Variants in SCP2 observed in about 807,000 individuals in gnomAD.
SCP2 encodes the protein SCP-2/3-oxoacyl-CoA thiolase.
Under a neutral mutation model 71.4 loss-of-function variants are expected in SCP2, and 48 were observed. That is an observed-to-expected ratio of 0.67 (90% CI 0.53 to 0.86). The LOEUF is 0.86. Ranked by LOEUF, SCP2 falls within the 40% of genes least tolerant of loss-of-function variation. SCP2 has a pLI of 0.00. For synonymous variants in SCP2, 220 were observed against 218.1 expected (o/e 1.01, Z -0.08); for missense variants, 560 against 655.6 (o/e 0.85, Z 1.59).
chr1:53,020,361 AT>A (rs1661634564), intron 12 of SCP2, among the ~76,000 whole-genome samples: 3 of 152,238 alleles, frequency 2.0e-5, no homozygotes, highest in Admixed American at 2.0e-4. Context: ...TAGTTGCTCA[AT>A]AAACTTTTGG....
At position 52,999,815 on chromosome 1, in the gene SCP2, G is replaced by GTTTTTTTTTTTTTTT. The variant is rs60893788; in HGVS notation, c.1081+11684_1081+11698dup. ...ACTATCCAACACTTACTGAACACTT[G>GTTTTTTTTTTTTTTT]TTTTTTTTTTTTTTTTTTTGAGACA... On this transcript the variant is annotated intron_variant, in intron 11 of 15. Coordinates refer to ENST00000371514, the MANE Select transcript of SCP2 (RefSeq NM_002979.5). Among the ~76,000 whole-genome samples, 17 of 109,382 alleles carry GTTTTTTTTTTTTTTT rather than the reference G, an allele frequency of 1.6e-4. 3 individuals are homozygous for GTTTTTTTTTTTTTTT. In the East Asian group the frequency reaches 2.4e-3, roughly 16 times the overall value. The allele number at this position is 109,382 out of a possible 152,430, so 71.8% of individuals were successfully genotyped here. A position where few individuals can be genotyped will look rare whatever the true frequency, so the allele number is the denominator to read the frequency against.
At chr1:52,982,084 T>C (rs749596398) in intron 10 of SCP2, among the ~76,000 whole-genome samples, 1 of 152,196 alleles carries the variant, frequency 6.6e-6, no homozygotes, top group East Asian at 1.9e-4. Flanking sequence ...GTGGTTGCTA[T>C]AGAGCATGGT....
intron 6 of SCP2, 55 bp downstream of exon 6, chr1:52,961,684 A>G: frequency 2.1e-6 from 3 of 1,456,978 alleles, no homozygotes; most frequent in Non-Finnish European, 2.9e-6. Flanking sequence ...ACATGAGATG[A>G]GAAATGACAG....
intron 5 of SCP2, among the ~76,000 whole-genome samples, chr1:52,960,694 G>C (rs995288569): frequency 6.8e-6 from 1 of 146,178 alleles, no homozygotes; most frequent in Non-Finnish European, 1.5e-5. Flanking sequence ...GTATATATGT[G>C]TGTTGTGTGT....
At chr1:53,018,664 C>T (rs1572193720) in intron 12 of SCP2, among the ~76,000 whole-genome samples, 1 of 151,570 alleles carries the variant, frequency 6.6e-6, no homozygotes, top group East Asian at 1.9e-4. Flanking sequence ...TCGCTTGAGC[C>T]TGGGAGGCAG....
intron 11 of SCP2, among the ~76,000 whole-genome samples, chr1:53,011,632 G>A (rs1660994085): frequency 6.6e-6 from 1 of 152,230 alleles, no homozygotes; most frequent in Admixed American, 6.5e-5. Flanking sequence ...GCTTGGACTT[G>A]CATTTGGCAT....
At chr1:53,019,779 C>T (rs1661588862) in intron 12 of SCP2, among the ~76,000 whole-genome samples, 1 of 152,200 alleles carries the variant, frequency 6.6e-6, no homozygotes, top group Non-Finnish European at 1.5e-5. Flanking sequence ...TTTCCATACT[C>T]ATGTAGCCAC....
chr1:53,020,010 C>T (rs939282839), intron 12 of SCP2, among the ~76,000 whole-genome samples: 2 of 152,142 alleles, frequency 1.3e-5, no homozygotes, highest in Admixed American at 1.3e-4. Flanking sequence ...CCTAAGCCTC[C>T]TGAGTAGCTG....
At chr1:53,007,220 A>G (rs1306896218) in intron 11 of SCP2, among the ~76,000 whole-genome samples, 2 of 152,234 alleles carry the variant, frequency 1.3e-5, no homozygotes, top group East Asian at 1.9e-4. Context: ...TAGATCAACG[A>G]GAGAGAAAGT....
intron 5 of SCP2, among the ~76,000 whole-genome samples, chr1:52,957,204 G>A (rs764964451): frequency 1.7e-5 from 1 of 57,170 alleles, no homozygotes; most frequent in Non-Finnish European, 4.0e-5. Flanking sequence ...CACTGCCCCT[G>A]GCCCCTGGCC....
chr1:53,040,531 C>T (rs1557630354), intron 14 of SCP2, among the ~76,000 whole-genome samples: 1 of 152,094 alleles, frequency 6.6e-6, no homozygotes, highest in Non-Finnish European at 1.5e-5. Context: ...AAAATCTTAA[C>T]CCCACGGTGA....
chr1:53,007,351 T>C (rs1319199985), intron 11 of SCP2, among the ~76,000 whole-genome samples: 1 of 152,180 alleles, frequency 6.6e-6, no homozygotes, highest in Non-Finnish European at 1.5e-5. Flanking sequence ...ATCACACTTA[T>C]TCCAAAATTG....
At chr1:52,951,521 C>T (rs1467836487) in intron 4 of SCP2, among the ~76,000 whole-genome samples, 1 of 137,946 alleles carries the variant, frequency 7.2e-6, no homozygotes, top group Non-Finnish European at 1.5e-5. Context: ...CATACCACTG[C>T]ACTCTAGCCT....
chr1:53,027,539 T>C (rs906052296), intron 12 of SCP2, among the ~76,000 whole-genome samples: 1 of 152,146 alleles, frequency 6.6e-6, no homozygotes, highest in East Asian at 1.9e-4. Context: ...AGTTTCGCTC[T>C]TGTTGCCCAG....
In SCP2 at chr1:52,976,739, T is replaced by A. The variant is rs769112630; in HGVS notation, c.644T>A (p.Val215Asp). 6 of 1,540,932 alleles carry A rather than the reference T, an allele frequency of 3.9e-6. No individual in the cohort carries two copies. The highest frequency in any genetic ancestry group is 5.4e-6 in the Non-Finnish European group (6 of 1,114,156). Reference sequence around the variant, plus strand: ...GATGAAGTGATGGCATCTAAAGAAGTTTTTGATTTTTTGACTATCTTACAA... The same window carrying A: ...GATGAAGTGATGGCATCTAAAGAAGATTTTGATTTTTTGACTATCTTACAA... ...SLDEVMASKE[V>D]FDFLTILQCC... is the part of the protein sequence containing the mutation. Residue 215 changes from valine to aspartate, a missense_variant, in exon 8 of 16, where the codon GTT (valine) becomes GAT (aspartate). Physicochemically the swap from Val to Asp is radical, Grantham distance 152. Transcript: ENST00000371514.
At chr1:52,966,254 T>C (rs1467112585) in intron 6 of SCP2, among the ~76,000 whole-genome samples, 1 of 152,062 alleles carries the variant, frequency 6.6e-6, no homozygotes, top group Non-Finnish European at 1.5e-5. Flanking sequence ...GATATATCTA[T>C]TATATGTTGA....
intron 2 of SCP2, among the ~76,000 whole-genome samples, 166 bp downstream of exon 2, chr1:52,942,019 C>T (rs917971610): frequency 6.6e-6 from 1 of 152,196 alleles, no homozygotes; most frequent in African/African-American, 2.4e-5. Flanking sequence ...AGAGCTTGGG[C>T]ATTCTTAGCA....
At chr1:53,034,476 A>T (rs1392153858) in intron 13 of SCP2, among the ~76,000 whole-genome samples, 1 of 152,138 alleles carries the variant, frequency 6.6e-6, no homozygotes, top group Non-Finnish European at 1.5e-5. Flanking sequence ...AATGACTGCT[A>T]ATGGGTATGA....
intron 12 of SCP2, among the ~76,000 whole-genome samples, chr1:53,023,797 A>G (rs1263707359): frequency 6.6e-6 from 1 of 152,288 alleles, no homozygotes; most frequent in Non-Finnish European, 1.5e-5. Flanking sequence ...CCCTGTTCAT[A>G]TATTAATATG....
Sources: gnomAD v4.1 joint callset for allele counts (sites outside exome capture counted in the v4.1 genomes callset) on GRCh38, gnomAD v4.1.1 for gene constraint, MANE v1.5 for transcripts, NCBI Gene and HGNC (gene_info 2026-07-23, HGNC 2026-07-21) for gene names.